RRP1B: variants seen among roughly 807,000 people sequenced by gnomAD.
RRP1B encodes the protein ribosomal RNA processing protein 1 homolog B.
Under a neutral mutation model 80.2 loss-of-function variants are expected in RRP1B, and 56 were observed. That is an observed-to-expected ratio of 0.70 (90% CI 0.56 to 0.87). The LOEUF is 0.87. Ranked by LOEUF, RRP1B falls within the 40% of genes least tolerant of loss-of-function variation. The probability of loss-of-function intolerance (pLI) is 0.00; values close to 1 mark genes in which losing one functional copy is unlikely to be tolerated. For synonymous variants in RRP1B, 351 were observed against 357.6 expected (o/e 0.98, Z 0.21); for missense variants, 807 against 939.8 (o/e 0.86, Z 1.85).
intron 12 of RRP1B, 81 bp downstream of exon 12, chr21:43,687,016 C>T: frequency 6.9e-7 from 1 of 1,453,764 alleles, no homozygotes; most frequent in Non-Finnish European, 9.4e-7. Context: ...GAGACTTGAG[C>T]TCGTGCCGTC....
At chr21:43,686,701 C>G (rs369324315) in intron 11 of RRP1B, 103 bp from the exon 12 acceptor site, 1 of 1,343,500 alleles carries the variant, frequency 7.4e-7, no homozygotes, top group African/African-American at 1.5e-5. Context: ...CGGTGAGGAA[C>G]GATGATGATG....
chr21:43,684,707 G>C, intron 10 of RRP1B, 57 bp downstream of exon 10: 2 of 1,408,462 alleles, frequency 1.4e-6, no homozygotes, highest in Non-Finnish European at 2.0e-6. Flanking sequence ...TCATCTCCTG[G>C]TGTGGGACAA....
At position 43,687,823 on chromosome 21, in the gene RRP1B, C is replaced by T. The variant is rs754225888; in HGVS notation, c.1449C>T (p.His483=). The change falls in exon 13 of 16, where the codon CAC becomes CAT. Residue 483 remains histidine (H), a synonymous_variant. Coordinates refer to ENST00000340648, the MANE Select transcript of RRP1B (RefSeq NM_015056.3). ...KRPRKKSPRA[H]REMLESAVLP... ...CACGGAAGAAGAGCCCGAGGGCCCA[C>T]AGGGAAATGTTGGAATCAGCAGTGT... The T allele has an allele frequency of 6.2e-7, 1 of 1,613,262 alleles. No individual in the cohort carries two copies. The highest frequency in any genetic ancestry group is 2.2e-5 in the East Asian group (1 of 44,888).
intron 3 of RRP1B, among the ~76,000 whole-genome samples, chr21:43,673,146 T>G (rs2083006474): frequency 6.6e-6 from 1 of 151,318 alleles, no homozygotes; most frequent in South Asian, 2.1e-4. Context: ...ATTATATAAG[T>G]GTCAGAATTA....
chr21:43,667,043 T>G (rs866749548), intron 1 of RRP1B, among the ~76,000 whole-genome samples: 10 of 15,778 alleles, frequency 6.3e-4, no homozygotes, highest in East Asian at 0.011. Context: ...AGTTGGGTGT[T>G]TTTTTTTTTG....
intron 4 of RRP1B, among the ~76,000 whole-genome samples, chr21:43,674,249 T>C (rs923620053): frequency 5.3e-5 from 8 of 152,224 alleles, no homozygotes; most frequent in Admixed American, 3.3e-4. Flanking sequence ...CTCCGCCTCC[T>C]GGGTTCAAGT....
rs779091438 is a variant in RRP1B at position 43,675,053 on chromosome 21, G to A, written c.439G>A (p.Asp147Asn). The A allele has an allele frequency of 1.9e-6, 3 of 1,613,940 alleles. No individual in the cohort carries two copies. Among genetic ancestry groups the A allele is most frequent in the Admixed American group, 1.7e-5 (1 of 59,986 alleles). The change falls in exon 6 of 16, where the codon GAT becomes AAT. Residue 147 changes from aspartate to asparagine, a missense_variant. Asp to Asn is a conservative substitution (Grantham distance 23). Coordinates refer to ENST00000340648, the MANE Select transcript of RRP1B (RefSeq NM_015056.3). ...CTTTAGCCGAATCAAGGTTTTCTTG[G>A]ATGTCCTGATGAAGGAGGTCCTGTG... The part of the protein sequence containing the change: ...WEESRIKVFL[D>N]VLMKEVLCPE...
chr21:43,681,275 GAT>G (rs1296191522), intron 8 of RRP1B, among the ~76,000 whole-genome samples: 4 of 133,326 alleles, frequency 3.0e-5, no homozygotes, highest in African/African-American at 1.6e-4. Context: ...TAGATAGATA[GAT>G]AGATAGATAG....
At chr21:43,687,417 C>T (rs1453037837) in intron 12 of RRP1B, 99 bp from the exon 13 acceptor site, 1 of 1,343,050 alleles carries the variant, frequency 7.4e-7, no homozygotes. Context: ...GGTAGAATGT[C>T]AGGAAATTGC....
At chr21:43,676,381 T>A (rs1229798993) in intron 7 of RRP1B, 45 bp downstream of exon 7, 6 of 1,453,186 alleles carry the variant, frequency 4.1e-6, no homozygotes, top group Non-Finnish European at 5.8e-6. Flanking sequence ...TGGCATTTGC[T>A]CATGGGAGTT....
At chr21:43,667,168 G>A (rs1238584953) in intron 1 of RRP1B, among the ~76,000 whole-genome samples, 1 of 152,158 alleles carries the variant, frequency 6.6e-6, no homozygotes, top group Non-Finnish European at 1.5e-5. Context: ...CGGTCGGTGG[G>A]TTTGGGTGTT....
At position 43,692,590 on chromosome 21, in the gene RRP1B, G is replaced by A. The variant is rs377691163; in HGVS notation, c.2084-600G>A. ...CTCCAGCCTGGGTGACAGGCTGGGT[G>A]AGACTCCATCTCAAAAAAAAAAAAA... On this transcript the variant is annotated intron_variant, in intron 15 of 15. Transcript: ENST00000340648. Among the ~76,000 whole-genome samples, 21 of 150,094 alleles carry A rather than the reference G, an allele frequency of 1.4e-4. No homozygotes were observed. The East Asian group carries it at 3.5e-3, about 25-fold the overall frequency.
Position 43,687,048 on chromosome 21 carries a change from A to G in RRP1B, c.1141+113A>G, listed in dbSNP as rs924391038. 10 of 1,213,720 alleles carry G rather than the reference A, an allele frequency of 8.2e-6. No homozygotes were observed. The African/African-American group carries it at 1.5e-4, about 18-fold the overall frequency. The allele number at this position is 1,213,720 out of a possible 1,614,324, so 75.2% of individuals were successfully genotyped here. A position where few individuals can be genotyped will look rare whatever the true frequency, so the allele number is the denominator to read the frequency against. On this transcript the variant is annotated intron_variant, in intron 12 of 15. Transcript: ENST00000340648. ...CGTCATAAAGCATTAGCAGAGCCCAAAGCTTCAGTCTTTAATGGCTGAGAG... is the reference window on the plus strand; with the variant it reads ...CGTCATAAAGCATTAGCAGAGCCCAGAGCTTCAGTCTTTAATGGCTGAGAG...
At chr21:43,678,984 T>C (rs2083032721) in intron 8 of RRP1B, among the ~76,000 whole-genome samples, 1 of 152,198 alleles carries the variant, frequency 6.6e-6, no homozygotes, top group African/African-American at 2.4e-5. Context: ...TCTTGACAAT[T>C]ACCCCAGCAC....
At chr21:43,685,679 T>A in intron 10 of RRP1B, 91 bp from the exon 11 acceptor site, 1 of 966,202 alleles carries the variant, frequency 1.0e-6, no homozygotes, top group East Asian at 3.0e-5. Flanking sequence ...ATTTTAAAAA[T>A]CAAATACATA....
At chr21:43,686,482 G>A (rs920144340) in intron 11 of RRP1B, 9 of 260,260 alleles carry the variant, frequency 3.5e-5, no homozygotes, top group Admixed American at 9.4e-5. Flanking sequence ...CCCCATACCC[G>A]TCATTCACTA....
chr21:43,691,311 T>G lies in RRP1B; in HGVS notation c.2020-128T>G. ...CCGCAGTCCCTTTGGCCTCTCCCTA[T>G]ATGTGCCACTCAGTAAGCAGCAGTG... On this transcript the variant is annotated intron_variant, in intron 14 of 15. Coordinates refer to ENST00000340648, the MANE Select transcript of RRP1B (RefSeq NM_015056.3). The surrounding 1 kb of genome is among the most constrained non-coding windows in gnomAD (Gnocchi z 4.2). 1 of 791,654 alleles carries G rather than the reference T, an allele frequency of 1.3e-6. No homozygotes were observed. Among genetic ancestry groups the G allele is most frequent in the Non-Finnish European group, 2.1e-6 (1 of 484,636 alleles). 49.0% of individuals were successfully genotyped at this position (791,654 alleles called of 1,614,324 possible).
chr21:43,659,910 G>C lies in RRP1B; in HGVS notation c.130+116G>C. ...TCCACGTGTTGTCGTGACACCCAGC[G>C]TGTGCTTCGGTTTCCGCGCTGCCGG... On this transcript the variant is annotated intron_variant, in intron 1 of 15. Coordinates refer to ENST00000340648, the MANE Select transcript of RRP1B (RefSeq NM_015056.3). The surrounding 1 kb of genome is among the most constrained non-coding windows in gnomAD (Gnocchi z 4.2). 3 of 1,175,562 alleles carry C rather than the reference G, an allele frequency of 2.6e-6. No individual in the cohort carries two copies. The highest frequency in any genetic ancestry group is 3.3e-6 in the Non-Finnish European group (3 of 898,650). 72.8% of individuals were successfully genotyped at this position (1,175,562 alleles called of 1,614,324 possible).
chr21:43,670,794 G>A (rs1357103989), intron 2 of RRP1B, among the ~76,000 whole-genome samples: 2 of 152,194 alleles, frequency 1.3e-5, no homozygotes, highest in Non-Finnish European at 2.9e-5. Context: ...TGAGGTAGAG[G>A]AACCAGCCTT....
Sources: gnomAD v4.1 joint callset for allele counts (sites outside exome capture counted in the v4.1 genomes callset) on GRCh38, gnomAD v4.1.1 for gene constraint, Gnocchi (gnomAD v3.1) non-coding constraint, MANE v1.5 for transcripts, NCBI Gene and HGNC (gene_info 2026-07-23, HGNC 2026-07-21) for gene names.